The following PCDH19 variants were observed in gnomAD, a reference collection of about 807,000 sequenced individuals.
PCDH19 encodes protocadherin-19.
PCDH19 carries 6 observed loss-of-function variants against 46.2 expected under a neutral mutation model. The observed-to-expected ratio is 0.13, with a 90% CI of 0.07 to 0.26. The LOEUF (loss-of-function observed/expected upper bound fraction) is 0.26. PCDH19 is among the 10% of genes least tolerant of loss of function. The pLI is 1.00. For missense variants in PCDH19, 740 were observed against 972.3 expected, an observed-to-expected ratio of 0.76 and a Z score of 3.18; for synonymous variants, 481 against 415.7, an observed-to-expected ratio of 1.16 and a Z score of -1.91.
chrX:100,393,789 C>T (rs1330559468), intron 3 of PCDH19, among the ~76,000 whole-genome samples: 2 of 111,823 alleles, frequency 1.8e-5, no homozygotes, highest in African/African-American at 6.5e-5. Context: ...AAACTGAAAA[C>T]TGGCCACCCT....
intron 3 of PCDH19, 83 bp from the exon 4 acceptor site, chrX:100,350,787 T>C: frequency 6.2e-6 from 4 of 641,251 alleles, no homozygotes; most frequent in Admixed American, 2.6e-5. Flanking sequence ...AAGGAATTTT[T>C]CTTCTGGGTC....
In PCDH19 at chrX:100,407,959, A is replaced by G. The variant is rs1349440230; in HGVS notation, c.639T>C (p.Gly213=). The part of the protein sequence containing the change: ...HYSFRITALD[G]GDPPRLGTVG... ...CGGTGCCCAGGCGCGGCGGGTCGCC[A>G]CCGTCTAGCGCAGTGATTCGGAAGC... The change falls in exon 1 of 6, where the codon GGT becomes GGC. Residue 213 remains glycine (G), a synonymous_variant. Coordinates refer to ENST00000373034, the MANE Select transcript of PCDH19 (RefSeq NM_001184880.2). 1.7e-6 allele frequency: 2 copies of G among 1,208,393 alleles called. No homozygotes were observed. The highest frequency in any genetic ancestry group is 2.2e-6 in the Non-Finnish European group (2 of 895,441).
chrX:100,326,349 T>C (rs1307177295), intron 5 of PCDH19, among the ~76,000 whole-genome samples: 1 of 112,273 alleles, frequency 8.9e-6, no homozygotes, highest in African/African-American at 3.2e-5. Context: ...CAGTCCATTG[T>C]TAGAAAAAAA....
In PCDH19 at chrX:100,291,671, T is replaced by TA. The variant is rs1198875190; in HGVS notation, c.*4605dup. On this transcript the variant is annotated 3_prime_UTR_variant, in exon 6 of 6. Coordinates refer to ENST00000373034, the MANE Select transcript of PCDH19 (RefSeq NM_001184880.2). ...CTTTTTCCATAATAGCCTTTAATAC[T>TA]AAAATGCATTAAATTTTTGAAGCAG... 8.9e-6 allele frequency: 1 copy of TA among 112,461 alleles called. No homozygotes were observed. Among genetic ancestry groups the TA allele is most frequent in the Admixed American group, 9.4e-5 (1 of 10,598 alleles). 9.3% of individuals were successfully genotyped at this position (112,461 alleles called of 1,213,427 possible). A position where few individuals can be genotyped will look rare whatever the true frequency, so the allele number is the denominator to read the frequency against.
chrX:100,406,407 C>T, intron 1 of PCDH19, 44 bp downstream of exon 1: 2 of 1,006,846 alleles, frequency 2.0e-6, no homozygotes, highest in Non-Finnish European at 2.8e-6. Flanking sequence ...CACAGATAAA[C>T]ACACCTTATT....
intron 3 of PCDH19, among the ~76,000 whole-genome samples, chrX:100,360,444 A>G (rs141965891): frequency 0.025 from 2,846 of 112,421 alleles, 84 homozygotes; most frequent in African/African-American, 0.088. Flanking sequence ...AACCTGCCAT[A>G]GTTCTCTTTT....
chrX:100,299,716 C>T (rs761776873), intron 5 of PCDH19, among the ~76,000 whole-genome samples: 5 of 112,084 alleles, frequency 4.5e-5, no homozygotes, highest in Non-Finnish European at 3.8e-5. Context: ...CGGAGACTAA[C>T]TCAGGACACA....
intron 3 of PCDH19, among the ~76,000 whole-genome samples, chrX:100,382,151 ACT>A (rs776115734): frequency 1.0e-4 from 11 of 110,527 alleles, no homozygotes; most frequent in African/African-American, 3.6e-4. Context: ...TTACAGTGAG[ACT>A]CTGTTTGGCA....
intron 3 of PCDH19, among the ~76,000 whole-genome samples, chrX:100,394,323 C>G (rs1300302726): frequency 8.9e-6 from 1 of 112,063 alleles, no homozygotes; most frequent in African/African-American, 3.3e-5. Flanking sequence ...GTCAATTTGT[C>G]TGTCTCACTC....
chrX:100,391,483 A>G (rs769772624), intron 3 of PCDH19, among the ~76,000 whole-genome samples: 2 of 112,085 alleles, frequency 1.8e-5, no homozygotes, highest in Non-Finnish European at 3.8e-5. Context: ...AATGTGCTGT[A>G]CCTATTGTTT....
chrX:100,305,038 GA>G (rs1310693816), intron 5 of PCDH19, among the ~76,000 whole-genome samples: 5 of 112,023 alleles, frequency 4.5e-5, no homozygotes, highest in Non-Finnish European at 9.4e-5. Context: ...AGCCTTGCTA[GA>G]GATCTAGACA....
chrX:100,294,878 T>A lies in PCDH19; in HGVS notation c.*1399A>T, dbSNP rs1190061272. The A allele has an allele frequency of 1.8e-5, 2 of 112,492 alleles. No homozygotes were observed. Among genetic ancestry groups the A allele is most frequent in the African/African-American group, 6.5e-5 (2 of 30,914 alleles). 9.3% of individuals were successfully genotyped at this position (112,492 alleles called of 1,213,427 possible). A position where few individuals can be genotyped will look rare whatever the true frequency, so the allele number is the denominator to read the frequency against. ...GTGTGTTAATTTAAAAAGGGTGTATTCCTAGCCTACAGCAAAAAGAGTTGG... is the reference window on the plus strand; with the variant it reads ...GTGTGTTAATTTAAAAAGGGTGTATACCTAGCCTACAGCAAAAAGAGTTGG... On this transcript the variant is annotated 3_prime_UTR_variant, in exon 6 of 6. Transcript: ENST00000373034.
chrX:100,391,874 G>T (rs1927873544), intron 3 of PCDH19, among the ~76,000 whole-genome samples: 1 of 112,232 alleles, frequency 8.9e-6, no homozygotes, highest in African/African-American at 3.2e-5. Context: ...GGTTATCTTT[G>T]ATGATACAGT....
At chrX:100,356,053 CA>C (rs2147496775) in intron 3 of PCDH19, among the ~76,000 whole-genome samples, 1 of 105,911 alleles carries the variant, frequency 9.4e-6, no homozygotes, top group South Asian at 4.3e-4. Flanking sequence ...TCCAGTGGCA[CA>C]AATCCCAGGT....
chrX:100,313,856 A>ATC (rs199750842), intron 5 of PCDH19, among the ~76,000 whole-genome samples: 5 of 59,065 alleles, frequency 8.5e-5, no homozygotes, highest in African/African-American at 3.0e-4. Flanking sequence ...TCTGCTGTTA[A>ATC]TCACACACAC....
At chrX:100,349,207 G>A (rs1311923070) in intron 4 of PCDH19, among the ~76,000 whole-genome samples, 2 of 112,226 alleles carry the variant, frequency 1.8e-5, no homozygotes, top group Admixed American at 9.4e-5. Context: ...CAATTCGGAA[G>A]CAGAAACAAA....
chrX:100,315,435 G>A lies in PCDH19; in HGVS notation c.2849-18560C>T, dbSNP rs752848959. Among the ~76,000 whole-genome samples the A allele has an allele frequency of 9.8e-5, 11 of 112,278 alleles. 1 individual carries two copies. The South Asian group carries it at 3.3e-3, about 34-fold the overall frequency. On this transcript the variant is annotated intron_variant, in intron 5 of 5. Coordinates refer to ENST00000373034, the MANE Select transcript of PCDH19 (RefSeq NM_001184880.2). Reference sequence around the variant, plus strand: ...GCTCATTAGAAACTCACAGCCTAACGTAACATTGGTCCTCTCCTGTCCTTC... The same window carrying A: ...GCTCATTAGAAACTCACAGCCTAACATAACATTGGTCCTCTCCTGTCCTTC...
chrX:100,323,532 G>C (rs1256444151), intron 5 of PCDH19, among the ~76,000 whole-genome samples: 1 of 111,576 alleles, frequency 9.0e-6, no homozygotes, highest in Non-Finnish European at 1.9e-5. Context: ...TGTAAAATAA[G>C]GTAGATAAGA....
chrX:100,348,399 G>A (rs1386363150), intron 4 of PCDH19, among the ~76,000 whole-genome samples: 1 of 111,217 alleles, frequency 9.0e-6, no homozygotes, highest in Admixed American at 9.6e-5. Flanking sequence ...TAGCACACAA[G>A]ATTCCCTGTA....
Sources: allele counts gnomAD v4.1 joint callset (sites outside exome capture counted in the v4.1 genomes callset), GRCh38; gene constraint gnomAD v4.1.1; transcripts MANE v1.5; gene names NCBI Gene and HGNC (gene_info 2026-07-23, HGNC 2026-07-21).